Variants in CACNA1C observed in about 807,000 individuals in gnomAD.
CACNA1C encodes the protein calcium voltage-gated channel subunit alpha1 C.
In CACNA1C, 30 loss-of-function variants were observed where a neutral mutation model predicts 229.0. That is an observed-to-expected ratio of 0.13 (90% CI 0.10 to 0.18). The LOEUF is 0.18. Among genes scored for constraint, CACNA1C ranks in the 10% least tolerant of loss-of-function variants. The pLI is 1.00. For missense variants in CACNA1C, 1,658 were observed against 2,845.0 expected (o/e 0.58, Z 9.49); for synonymous variants, 1,114 against 1,132.5 (o/e 0.98, Z 0.33).
rs375846068 is a variant in CACNA1C at position 2,682,654 on chromosome 12, A to C, written c.5549A>C (p.Glu1850Ala). 3.2e-5 allele frequency: 51 copies of C among 1,611,630 alleles called. No homozygotes were observed. The highest frequency in any genetic ancestry group is 4.2e-5 in the Non-Finnish European group (49 of 1,179,574). Residue 1850 changes from glutamate (E) to alanine (A), a missense_variant, in exon 43 of 47, where the codon GAG (glutamate) becomes GCG (alanine). Glu to Ala is a moderately radical substitution (Grantham distance 107). This residue lies in a region of CACNA1C where 590 missense variants were observed against 700.8 expected (regional missense o/e 0.84). Transcript: ENST00000399655. ...KMNHDTEACS[E>A]PSLLSTEMLS... ...AACCATGACACGGAGGCCTGCAGTG[A>C]GCCCAGCCTGCTCTCCACAGAGATG... is the stretch of plus-strand genomic sequence containing the variant.
chr12:2,515,119 G>A (rs2099793699), intron 9 of CACNA1C, among the ~76,000 whole-genome samples: 2 of 152,328 alleles, frequency 1.3e-5, no homozygotes, highest in South Asian at 4.2e-4. Flanking sequence ...GGACTGGAGT[G>A]GGAGCCTGGC....
chr12:2,449,361 A>C (rs1221326325), intron 4 of CACNA1C, among the ~76,000 whole-genome samples: 1 of 152,136 alleles, frequency 6.6e-6, no homozygotes, highest in Non-Finnish European at 1.5e-5. Flanking sequence ...CCAAGGTTCT[A>C]CCCAGGAAAA....
At chr12:2,399,529 C>T (rs2098645381) in intron 3 of CACNA1C, among the ~76,000 whole-genome samples, 1 of 152,208 alleles carries the variant, frequency 6.6e-6, no homozygotes, top group South Asian at 2.1e-4. Context: ...CAACCATCCC[C>T]GGCTGAACTC....
At chr12:2,017,518 A>G (rs544260144) in intron 1 of CACNA1C, among the ~76,000 whole-genome samples, 2 of 151,862 alleles carry the variant, frequency 1.3e-5, no homozygotes, top group Admixed American at 6.5e-5. Flanking sequence ...GTAGATCATT[A>G]AGCTTCCAGA....
rs59258094 is a variant in CACNA1C, at chr12:2,277,362, GAC to G, written c.477+156997_477+156998del. Among the ~76,000 whole-genome samples the G allele has an allele frequency of 7.9e-3, 570 of 72,140 alleles. 4 individuals carry two copies. The highest frequency in any genetic ancestry group is 0.024 in the East Asian group (66 of 2,714). The allele number at this position is 72,140 out of a possible 152,430, so 47.3% of individuals were successfully genotyped here. A position where few individuals can be genotyped will look rare whatever the true frequency, so the allele number is the denominator to read the frequency against. On this transcript the variant is annotated intron_variant, in intron 3 of 46. Coordinates refer to ENST00000399655, the MANE Select transcript of CACNA1C (RefSeq NM_000719.7). ...AGACAGACAGACAGACAGACAGACA[GAC>G]ACACACACACACACACACACACACA...
rs1246329190 is a variant in CACNA1C, at chr12:2,585,319, T to A, written c.2340-57T>A. 1.3e-6 allele frequency: 2 copies of A among 1,576,724 alleles called. No individual in the cohort carries two copies. The highest frequency in any genetic ancestry group is 2.7e-5 in the African/African-American group (2 of 74,280). Reference sequence around the variant, plus strand: ...GCCACAGGGCGGTTCCCTCCTACACTGTTCCCTATCACTCCAGTAAACAGC... The same window carrying A: ...GCCACAGGGCGGTTCCCTCCTACACAGTTCCCTATCACTCCAGTAAACAGC... On this transcript the variant is annotated intron_variant, in intron 16 of 46. Transcript: ENST00000399655. This position sits in a 1 kb window ranked among gnomAD's most constrained non-coding sequence, Gnocchi z 4.1.
chr12:2,441,112 A>C (rs2099220818), intron 3 of CACNA1C, among the ~76,000 whole-genome samples: 1 of 152,172 alleles, frequency 6.6e-6, no homozygotes, highest in South Asian at 2.1e-4. Context: ...CCTTGTACTG[A>C]GATGGAATTG....
At position 2,346,169 on chromosome 12, in the gene CACNA1C, G is replaced by A. The variant is rs768080331; in HGVS notation, c.478-102807G>A. On this transcript the variant is annotated intron_variant, in intron 3 of 46. Coordinates refer to ENST00000399655, the MANE Select transcript of CACNA1C (RefSeq NM_000719.7). This position sits in a 1 kb window ranked among gnomAD's most constrained non-coding sequence, Gnocchi z 4.4. ...GGTGATAGCCGTGGCTTGGTTGTCT[G>A]TGGGTGGAGCCGAGGAAGGCAGAGG... Among the ~76,000 whole-genome samples, 5 of 152,142 alleles carry A rather than the reference G, an allele frequency of 3.3e-5. No homozygotes were observed. The highest frequency in any genetic ancestry group is 1.2e-4 in the African/African-American group (5 of 41,416).
At chr12:2,052,396 T>C (rs1421669386), upstream of CACNA1C, among the ~76,000 whole-genome samples, 1 of 152,082 alleles carries the variant, frequency 6.6e-6, no homozygotes, top group Non-Finnish European at 1.5e-5. Flanking sequence ...ACGGCTCATC[T>C]TGCCGTTTTG....
intron 1 of CACNA1C, among the ~76,000 whole-genome samples, chr12:1,994,531 T>G (rs749012036): frequency 1.3e-4 from 20 of 152,176 alleles, no homozygotes; most frequent in Non-Finnish European, 2.6e-4. Context: ...ATAATCATGA[T>G]CATCACTTCA....
rs2058126438 is a variant in CACNA1C, at chr12:2,575,678, G to T, written c.1896-5912G>T. 6.6e-6 allele frequency among the ~76,000 whole-genome samples: 1 copy of T among 152,148 alleles called. No individual in the cohort carries two copies. The highest frequency in any genetic ancestry group is 2.1e-4 in the South Asian group (1 of 4,826). The stretch of plus-strand genomic sequence containing the variant: ...TTCAGGATGAGAACATTTTGGGCAG[G>T]TATCAAACTCAGTTATGACCTTCTC... On this transcript the variant is annotated intron_variant, in intron 13 of 46. Coordinates refer to ENST00000399655, the MANE Select transcript of CACNA1C (RefSeq NM_000719.7). This position sits in a 1 kb window ranked among gnomAD's most constrained non-coding sequence, Gnocchi z 4.0.
At chr12:2,370,843 C>T (rs74999774) in intron 3 of CACNA1C, among the ~76,000 whole-genome samples, 1 of 152,148 alleles carries the variant, frequency 6.6e-6, no homozygotes, top group Non-Finnish European at 1.5e-5. Context: ...CGAAGCTGAC[C>T]TGGGTTGCCT....
chr12:2,270,150 C>A (rs554651387), intron 3 of CACNA1C, among the ~76,000 whole-genome samples: 1 of 152,294 alleles, frequency 6.6e-6, no homozygotes, highest in Admixed American at 6.5e-5. Flanking sequence ...GGAGCTGGAG[C>A]TCATTTGTAA....
chr12:1,980,832 G>A (rs2035922117), intron 1 of CACNA1C, among the ~76,000 whole-genome samples: 1 of 151,962 alleles, frequency 6.6e-6, no homozygotes. Flanking sequence ...AAACAGAGAT[G>A]TGGCCTGTTT....
At chr12:2,655,011 A>G in intron 33 of CACNA1C, 136 bp from the exon 34 acceptor site, 1 of 642,372 alleles carries the variant, frequency 1.6e-6, no homozygotes, top group Non-Finnish European at 2.8e-6. Flanking sequence ...GCCAGGTTGC[A>G]TGGGAAGACT....
intron 1 of CACNA1C, among the ~76,000 whole-genome samples, chr12:2,080,537 C>T (rs978922924): frequency 7.3e-5 from 11 of 150,514 alleles, no homozygotes; most frequent in African/African-American, 2.4e-4. Context: ...GGAGGCGGAG[C>T]TTGCAGTGAG....
At chr12:2,328,978 C>T (rs11062188) in intron 3 of CACNA1C, among the ~76,000 whole-genome samples, 13,612 of 152,114 alleles carry the variant, frequency 0.089, 659 homozygotes, top group South Asian at 0.14. Flanking sequence ...TTGTTGTCAC[C>T]CTTGTTCTAT....
intron 3 of CACNA1C, among the ~76,000 whole-genome samples, chr12:2,381,392 G>T (rs2098242220): frequency 6.6e-6 from 1 of 152,188 alleles, no homozygotes; most frequent in African/African-American, 2.4e-5. Flanking sequence ...AACGTGTGTT[G>T]TCAGCTCAGA....
intron 8 of CACNA1C, among the ~76,000 whole-genome samples, chr12:2,508,347 C>T (rs190705155): frequency 6.6e-6 from 1 of 152,226 alleles, no homozygotes. Context: ...CATAAAGCTT[C>T]CATTTAAAGT....
Sources: gnomAD v4.1 joint callset for allele counts (sites outside exome capture counted in the v4.1 genomes callset) on GRCh38, gnomAD v4.1.1 for gene constraint, gnomAD v4.1.1 regional missense constraint, Gnocchi (gnomAD v3.1) non-coding constraint, MANE v1.5 for transcripts, NCBI Gene and HGNC (gene_info 2026-07-23, HGNC 2026-07-21) for gene names.